Variants in ZNF141 observed in about 807,000 individuals in gnomAD.
The protein encoded by ZNF141 is zinc finger protein 141, also known as zinc finger protein 141 (clone pHZ-44).
A neutral mutation model predicts 11.3 loss-of-function variants in ZNF141; 7 were observed. The ratio of observed to expected loss-of-function variants is 0.62; its 90% CI spans 0.35 to 1.16. The LOEUF is 1.16. Ranked by LOEUF, ZNF141 falls within the 50% of genes most tolerant of loss-of-function variation. The probability of loss-of-function intolerance (pLI) is 0.02; values close to 1 mark genes in which losing one functional copy is unlikely to be tolerated. For synonymous variants in ZNF141, 183 were observed against 190.7 expected (o/e 0.96, Z 0.33); for missense variants, 535 against 554.0 (o/e 0.97, Z 0.34).
At chr4:357,041 A>T (rs1338513657) in intron 3 of ZNF141, among the ~76,000 whole-genome samples, 1 of 152,074 alleles carries the variant, frequency 6.6e-6, no homozygotes, top group East Asian at 1.9e-4. Context: ...TGCAGCCTCA[A>T]CCTTTGTGGG....
intron 1 of ZNF141, chr4:342,690 A>C (rs559604266): frequency 1.1e-6 from 1 of 907,118 alleles, no homozygotes; most frequent in Non-Finnish European, 1.8e-6. Context: ...GTTTGAAGAG[A>C]AACCATCAGC....
intron 3 of ZNF141, among the ~76,000 whole-genome samples, chr4:349,916 G>A (rs559793794): frequency 6.6e-6 from 1 of 152,316 alleles, no homozygotes; most frequent in African/African-American, 2.4e-5. Context: ...GACAACCTGG[G>A]AACAGTTTCC....
At position 382,090 on chromosome 4, in the gene ZNF141, C is replaced by A. The variant is rs1305391179; in HGVS notation, c.*8228C>A. 6.6e-6 allele frequency among the ~76,000 whole-genome samples: 1 copy of A among 151,752 alleles called. No homozygotes were observed. The highest frequency in any genetic ancestry group is 2.4e-5 in the African/African-American group (1 of 41,242). The stretch of plus-strand genomic sequence containing the variant: ...CCTCCCAAGTAGCTGGGACTACAGG[C>A]ACCTGCTACCATGCCCGGCTAATTT... On this transcript the variant is annotated 3_prime_UTR_variant, in exon 4 of 4. Transcript: ENST00000240499.
At chr4:351,026 G>C (rs1486617546) in intron 3 of ZNF141, among the ~76,000 whole-genome samples, 1 of 151,890 alleles carries the variant, frequency 6.6e-6, no homozygotes, top group Non-Finnish European at 1.5e-5. Context: ...TGGGATTACA[G>C]GCGTGAGCCA....
At chr4:338,057 A>G (rs1720874246) in intron 1 of ZNF141, 71 bp downstream of exon 1, 1 of 1,602,484 alleles carries the variant, frequency 6.2e-7, no homozygotes, top group Non-Finnish European at 8.5e-7. Flanking sequence ...TGGCGGCGGG[A>G]CCGAGTCTGC....
intron 3 of ZNF141, among the ~76,000 whole-genome samples, chr4:348,179 T>A (rs1461711386): frequency 6.6e-6 from 1 of 152,168 alleles, no homozygotes; most frequent in Non-Finnish European, 1.5e-5. Context: ...TGCAAATGCT[T>A]TTCTATTTTG....
chr4:355,320 C>T (rs1220538265), intron 3 of ZNF141, among the ~76,000 whole-genome samples: 1 of 152,104 alleles, frequency 6.6e-6, no homozygotes, highest in Non-Finnish European at 1.5e-5. Context: ...ATTCACCTGC[C>T]TCAGCCTCCC....
At chr4:339,525 C>T (rs1158040321) in intron 1 of ZNF141, among the ~76,000 whole-genome samples, 1 of 152,234 alleles carries the variant, frequency 6.6e-6, no homozygotes, top group Non-Finnish European at 1.5e-5. Context: ...AAGACCATGC[C>T]TTTAGACCTG....
At chr4:364,040 C>T (rs1244055994) in intron 3 of ZNF141, among the ~76,000 whole-genome samples, 2 of 152,056 alleles carry the variant, frequency 1.3e-5, no homozygotes, top group East Asian at 1.9e-4. Context: ...TGGGATGAAG[C>T]CGAGTTGATC....
Position 379,714 on chromosome 4 carries a change from A to G in ZNF141, c.*5852A>G, listed in dbSNP as rs1712530370. The stretch of plus-strand genomic sequence containing the variant: ...TACAAAAACAGCACAAAAACTATAT[A>G]TTTTTTATAATACTCAAGTTGTTTG... On this transcript the variant is annotated 3_prime_UTR_variant, in exon 4 of 4. Transcript: ENST00000240499. Among the ~76,000 whole-genome samples, 1 of 152,182 alleles carries G rather than the reference A, an allele frequency of 6.6e-6. No individual in the cohort carries two copies. Among genetic ancestry groups the G allele is most frequent in the South Asian group, 2.1e-4 (1 of 4,826 alleles).
At position 372,799 on chromosome 4, in the gene ZNF141, A is replaced by G. The variant is rs928855690; in HGVS notation, c.362A>G (p.Asn121Ser). The G allele has an allele frequency of 5.6e-6, 9 of 1,613,874 alleles. No individual in the cohort carries two copies. In the Admixed American group the frequency reaches 1.0e-4, roughly 18 times the overall value. Reference sequence around the variant, plus strand: ...TTAAGAAAAGGCTGTAAAAGTTTGAATGAGTGTAAGTTGCAGAAAGGAGGT... The same window carrying G: ...TTAAGAAAAGGCTGTAAAAGTTTGAGTGAGTGTAAGTTGCAGAAAGGAGGT... ...LQLRKGCKSL[N>S]ECKLQKGGYN... Residue 121 changes from asparagine (N) to serine (S), a missense_variant, in exon 4 of 4, where the codon AAT becomes AGT. Coordinates refer to ENST00000240499, the MANE Select transcript of ZNF141 (RefSeq NM_003441.4).
intron 1 of ZNF141, chr4:338,330 A>G: frequency 9.8e-6 from 3 of 306,290 alleles, no homozygotes; most frequent in South Asian, 9.3e-5. Context: ...TCCCTGCTTT[A>G]CCCTGTTCGG....
rs1712439835 is a variant in ZNF141, at chr4:377,791, T to A, written c.*3929T>A. ...AAAGTTAGAATAAGTAAAACATTAA[T>A]ATAAGTGGGTTGTATATTGTACCAC... On this transcript the variant is annotated 3_prime_UTR_variant, in exon 4 of 4. Transcript: ENST00000240499. Among the ~76,000 whole-genome samples the A allele has an allele frequency of 6.6e-6, 1 of 152,226 alleles. No homozygotes were observed.
In ZNF141 at chr4:377,957, G is replaced by A. The variant is rs1446258348; in HGVS notation, c.*4095G>A. The A allele has an allele frequency of 3.3e-5, 5 of 152,130 alleles. No homozygotes were observed. The highest frequency in any genetic ancestry group is 1.2e-4 in the African/African-American group (5 of 41,424). The allele number at this position is 152,130 out of a possible 1,614,324, so 9.4% of individuals were successfully genotyped here. A position where few individuals can be genotyped will look rare whatever the true frequency, so the allele number is the denominator to read the frequency against. ...CGAGATGGGTGGGTCATGAAGTCAAGAGAGCAAGATCATCCTGGCAAACAT... is the reference window on the plus strand; with the variant it reads ...CGAGATGGGTGGGTCATGAAGTCAAAAGAGCAAGATCATCCTGGCAAACAT... On this transcript the variant is annotated 3_prime_UTR_variant, in exon 4 of 4. Transcript: ENST00000240499.
At chr4:371,492 AG>A (rs1393630691) in intron 3 of ZNF141, among the ~76,000 whole-genome samples, 1 of 151,126 alleles carries the variant, frequency 6.6e-6, no homozygotes, top group Non-Finnish European at 1.5e-5. Context: ...GGCCTCCCAA[AG>A]TGCTGGGATT....
rs1553856173 is a variant in ZNF141 at position 384,718 on chromosome 4, C to T, written c.*10856C>T. The stretch of plus-strand genomic sequence containing the variant: ...AACACCCTTAGCGGGGAAATTTACC[C>T]CTCCCATTTGGGCAGAACCCACAGA... On this transcript the variant is annotated 3_prime_UTR_variant, in exon 4 of 4. Coordinates refer to ENST00000240499, the MANE Select transcript of ZNF141 (RefSeq NM_003441.4). 2 of 152,186 alleles carry T rather than the reference C, an allele frequency of 1.3e-5. No individual in the cohort carries two copies. Among genetic ancestry groups the T allele is most frequent in the East Asian group, 3.8e-4 (2 of 5,198 alleles). 9.4% of individuals were successfully genotyped at this position (152,186 alleles called of 1,614,324 possible).
At chr4:362,017 C>T (rs1553852247) in intron 3 of ZNF141, among the ~76,000 whole-genome samples, 1 of 152,212 alleles carries the variant, frequency 6.6e-6, no homozygotes, top group African/African-American at 2.4e-5. Context: ...GTTCCTATTT[C>T]TCCACATCCT....
Position 344,358 on chromosome 4 carries a change from C to T in ZNF141, c.154C>T (p.Leu52=). The change falls in exon 3 of 4, where the codon CTG becomes TTG. Residue 52 remains leucine (L), a synonymous_variant. Coordinates refer to ENST00000240499, the MANE Select transcript of ZNF141 (RefSeq NM_003441.4). ...SLGVAISNPD[L]VTCLEQRKEP... is the part of the protein sequence containing the mutation. ...AGGTGTTGCTATCTCTAACCCAGAC[C>T]TGGTCACCTGTCTGGAGCAAAGAAA... The T allele has an allele frequency of 6.2e-7, 1 of 1,608,374 alleles. No homozygotes were observed. The highest frequency in any genetic ancestry group is 8.5e-7 in the Non-Finnish European group (1 of 1,176,124).
intron 3 of ZNF141, among the ~76,000 whole-genome samples, chr4:359,836 G>C (rs564308873): frequency 6.6e-6 from 1 of 152,232 alleles, no homozygotes; most frequent in South Asian, 2.1e-4. Flanking sequence ...TTCTGTCTGT[G>C]GGTCCCTGTG....
Sources: allele counts gnomAD v4.1 joint callset (sites outside exome capture counted in the v4.1 genomes callset), GRCh38; gene constraint gnomAD v4.1.1; transcripts MANE v1.5; gene names NCBI Gene and HGNC (gene_info 2026-07-23, HGNC 2026-07-21).